Variants in DHX35 observed in about 807,000 individuals in gnomAD.
DHX35 encodes the protein probable ATP-dependent RNA helicase DHX35.
A neutral mutation model predicts 99.6 loss-of-function variants in DHX35; 84 were observed. The observed-to-expected ratio is 0.84, with a 90% CI of 0.71 to 1.01. The LOEUF (loss-of-function observed/expected upper bound fraction) is 1.01. Among genes scored for constraint, DHX35 ranks in the 50% least tolerant of loss-of-function variants. The pLI is 0.00. For missense variants in DHX35, 852 were observed against 888.5 expected, an observed-to-expected ratio of 0.96 and a Z score of 0.52; for synonymous variants, 331 against 316.2, an observed-to-expected ratio of 1.05 and a Z score of -0.50.
chr20:39,021,116 C>T (rs150343790), intron 15 of DHX35, among the ~76,000 whole-genome samples: 489 of 152,282 alleles, frequency 3.2e-3, no homozygotes, highest in Non-Finnish European at 4.7e-3. Flanking sequence ...CAGCCCCCAG[C>T]GTGCTTTGCT....
At position 38,983,860 on chromosome 20, in the gene DHX35, A is replaced by G. The variant is rs749298968; in HGVS notation, c.345+84A>G. The G allele has an allele frequency of 1.4e-5, 17 of 1,209,260 alleles. No homozygotes were observed. In the East Asian group the frequency reaches 1.5e-4, roughly 11 times the overall value. 74.9% of individuals were successfully genotyped at this position (1,209,260 alleles called of 1,614,324 possible). On this transcript the variant is annotated intron_variant, in intron 4 of 21. Coordinates refer to ENST00000252011, the MANE Select transcript of DHX35 (RefSeq NM_021931.4). Reference sequence around the variant, plus strand: ...TTACATTTCCTAAAGGCTTTAAATGAATAGAAGTTGCTCCTTAAGAGTTTA... The same window carrying G: ...TTACATTTCCTAAAGGCTTTAAATGGATAGAAGTTGCTCCTTAAGAGTTTA...
At chr20:38,989,304 C>T (rs1438914284) in intron 5 of DHX35, among the ~76,000 whole-genome samples, 4 of 124,316 alleles carry the variant, frequency 3.2e-5, no homozygotes, top group African/African-American at 9.4e-5. Context: ...TTAGTAGAGA[C>T]GGGGTTTCAC....
intron 21 of DHX35, among the ~76,000 whole-genome samples, 191 bp from the exon 22 acceptor site, chr20:39,038,307 GA>G (rs1410793107): frequency 6.6e-6 from 1 of 152,252 alleles, no homozygotes; most frequent in Non-Finnish European, 1.5e-5. Context: ...GCTGGCGGCT[GA>G]ATTCAGGTCG....
At chr20:39,034,588 C>CT (rs2087115556) in intron 21 of DHX35, among the ~76,000 whole-genome samples, 1 of 141,490 alleles carries the variant, frequency 7.1e-6, no homozygotes, top group African/African-American at 2.8e-5. Flanking sequence ...CTCTTCCAAA[C>CT]TATTTTTTTT....
chr20:39,005,487 G>T (rs2086600978), intron 11 of DHX35, among the ~76,000 whole-genome samples: 1 of 152,164 alleles, frequency 6.6e-6, no homozygotes, highest in Admixed American at 6.5e-5. Flanking sequence ...AAGTAAAGTA[G>T]CATGCCCTAT....
chr20:39,003,680 T>C (rs2086561633), intron 10 of DHX35, 69 bp from the exon 11 acceptor site: 2 of 1,534,532 alleles, frequency 1.3e-6, no homozygotes, highest in African/African-American at 2.8e-5. Flanking sequence ...TTTATTTTCT[T>C]TCAGTATGAT....
At chr20:38,986,990 C>A (rs1468241973) in intron 4 of DHX35, among the ~76,000 whole-genome samples, 1 of 152,160 alleles carries the variant, frequency 6.6e-6, no homozygotes, top group East Asian at 1.9e-4. Context: ...GAGCCTGGGG[C>A]TGCTGGGGTG....
At chr20:39,003,236 C>T (rs896302792) in intron 10 of DHX35, among the ~76,000 whole-genome samples, 1 of 152,148 alleles carries the variant, frequency 6.6e-6, no homozygotes, top group East Asian at 1.9e-4. Flanking sequence ...TACAGCTCAT[C>T]CTGGAGGTGA....
intron 4 of DHX35, among the ~76,000 whole-genome samples, chr20:38,987,706 ATTTG>A (rs748104372): frequency 2.2e-4 from 33 of 151,658 alleles, no homozygotes; most frequent in Non-Finnish European, 4.6e-4. Context: ...TTCATTTTTT[ATTTG>A]TTATGTTTTG....
At chr20:38,988,782 T>A (rs367911890) in intron 4 of DHX35, 31 bp from the exon 5 acceptor site, 8 of 1,612,654 alleles carry the variant, frequency 5.0e-6, no homozygotes, top group Non-Finnish European at 6.8e-6. Flanking sequence ...TTTCTATGTC[T>A]CTATTTTCAG....
chr20:39,034,067 A>G, intron 20 of DHX35, 139 bp from the exon 21 acceptor site: 1 of 652,758 alleles, frequency 1.5e-6, no homozygotes, highest in Non-Finnish European at 2.7e-6. Flanking sequence ...GGTGAGCAAC[A>G]TAAATGCATG....
intron 4 of DHX35, among the ~76,000 whole-genome samples, chr20:38,984,386 T>C (rs1227657068): frequency 2.0e-4 from 30 of 152,242 alleles, no homozygotes. Flanking sequence ...CATTCCAAGC[T>C]TCTCCTAAAG....
Position 38,969,221 on chromosome 20 carries a change from C to T in DHX35, c.174+7C>T. On this transcript the variant is annotated splice_region_variant and intron_variant, in intron 2 of 21. Transcript: ENST00000252011. ...GAAGCTGCCGGTATTCAAGGTACGT[C>T]AAATAATCATGTTCAACCTGTGGGC... is the stretch of plus-strand genomic sequence containing the variant. The T allele has an allele frequency of 6.2e-7, 1 of 1,605,578 alleles. No homozygotes were observed. Among genetic ancestry groups the T allele is most frequent in the South Asian group, 1.1e-5 (1 of 90,622 alleles).
chr20:39,020,158 C>T (rs1260572201), intron 15 of DHX35, among the ~76,000 whole-genome samples: 1 of 152,216 alleles, frequency 6.6e-6, no homozygotes, highest in African/African-American at 2.4e-5. Context: ...AGTGAATGGA[C>T]ACTTGGATTG....
intron 2 of DHX35, 59 bp from the exon 3 acceptor site, chr20:38,972,500 T>C (rs1394430023): frequency 1.3e-5 from 14 of 1,058,078 alleles, no homozygotes; most frequent in Non-Finnish European, 2.0e-5. Context: ...TTAAATATCG[T>C]TGTTTAGGTC....
intron 14 of DHX35, among the ~76,000 whole-genome samples, chr20:39,016,238 G>A (rs552506798): frequency 1.3e-3 from 193 of 152,136 alleles, no homozygotes; most frequent in Middle Eastern, 3.2e-3. Context: ...AGAACCTGCT[G>A]TCATGGGAAC....
rs772765549 is a variant in DHX35, at chr20:39,030,687, T to C, written c.1884-17T>C. On this transcript the variant is annotated splice_polypyrimidine_tract_variant and intron_variant, in intron 19 of 21. Transcript: ENST00000252011. ...TATTTAAAATGTGCTTCAGACAAAA[T>C]TCTTCTATGTTCCAAGGACCATCCG... is the stretch of plus-strand genomic sequence containing the variant. 10 of 1,613,048 alleles carry C rather than the reference T, an allele frequency of 6.2e-6. No individual in the cohort carries two copies. Among genetic ancestry groups the C allele is most frequent in the African/African-American group, 5.3e-5 (4 of 74,906 alleles).
chr20:39,028,353 T>C (rs1182358401), intron 18 of DHX35, 65 bp from the exon 19 acceptor site: 3 of 1,495,062 alleles, frequency 2.0e-6, no homozygotes, highest in African/African-American at 1.4e-5. Flanking sequence ...ATCCTGTGCA[T>C]TAGAGCACAC....
chr20:38,988,705 G>A, intron 4 of DHX35, 108 bp from the exon 5 acceptor site: 1 of 1,432,890 alleles, frequency 7.0e-7, no homozygotes, highest in South Asian at 1.3e-5. Context: ...ATTTTTCATT[G>A]TGTTCACATA....
Sources: allele counts gnomAD v4.1 joint callset (sites outside exome capture counted in the v4.1 genomes callset), GRCh38; gene constraint gnomAD v4.1.1; transcripts MANE v1.5; gene names NCBI Gene and HGNC (gene_info 2026-07-23, HGNC 2026-07-21).